GSN: variants seen among roughly 807,000 people sequenced by gnomAD.
The protein encoded by GSN is gelsolin, also known as actin-depolymerizing factor.
In GSN, 56 loss-of-function variants were observed where a neutral mutation model predicts 85.7. The observed-to-expected ratio is 0.65, with a 90% CI of 0.53 to 0.82. The LOEUF is 0.82. Ranked by LOEUF, GSN falls within the 40% of genes least tolerant of loss-of-function variation. GSN has a pLI of 0.00. For missense variants in GSN, 857 were observed against 979.8 expected, an observed-to-expected ratio of 0.87 and a Z score of 1.67; for synonymous variants, 373 against 399.1, an observed-to-expected ratio of 0.93 and a Z score of 0.78.
chr9:121,216,046 C>T (rs1196644473), intron 4 of GSN, among the ~76,000 whole-genome samples: 1 of 152,126 alleles, frequency 6.6e-6, no homozygotes, highest in African/African-American at 2.4e-5. Context: ...TAGCCTCTGC[C>T]TCCCGGGTTC....
chr9:121,326,926 C>T (rs2063271323), intron 13 of GSN: 1 of 691,490 alleles, frequency 1.4e-6, no homozygotes, highest in Admixed American at 2.0e-5. Flanking sequence ...CCATTCTGTA[C>T]AATCAGCATG....
intron 2 of GSN, chr9:121,282,672 C>T (rs2057532050): frequency 2.2e-6 from 1 of 453,108 alleles, no homozygotes; most frequent in Non-Finnish European, 3.8e-6. Context: ...GTTCTGCTGA[C>T]AAAGAGGTAG....
At chr9:121,320,383 G>A (rs1021619221) in intron 10 of GSN, among the ~76,000 whole-genome samples, 6 of 152,202 alleles carry the variant, frequency 3.9e-5, no homozygotes, top group Non-Finnish European at 5.9e-5. Context: ...AGTGGCTCAC[G>A]CCTGTAATCC....
chr9:121,296,121 T>C (rs1299274254), intron 2 of GSN, among the ~76,000 whole-genome samples: 2 of 152,240 alleles, frequency 1.3e-5, no homozygotes, highest in East Asian at 3.8e-4. Context: ...CTGCCAGGCT[T>C]GACTTGGGCT....
At chr9:121,278,401 C>CA in intron 1 of GSN, among the ~76,000 whole-genome samples, 1 of 152,314 alleles carries the variant, frequency 6.6e-6, no homozygotes, top group Middle Eastern at 3.4e-3. Context: ...AAGGCCCTCC[C>CA]AATGAACTGG....
At chr9:121,277,186 C>G (rs893004619) in intron 1 of GSN, among the ~76,000 whole-genome samples, 5 of 152,232 alleles carry the variant, frequency 3.3e-5, no homozygotes, top group African/African-American at 1.2e-4. Context: ...TATGAAATCA[C>G]TGGTACATGT....
In GSN at chr9:121,299,544, C is replaced by T. The variant is rs2059555308; in HGVS notation, c.-9-2419C>T. On this transcript the variant is annotated intron_variant, in intron 2 of 17. Coordinates refer to ENST00000432226, the MANE Select transcript of GSN (RefSeq NM_198252.3). The surrounding 1 kb of genome is among the most constrained non-coding windows in gnomAD (Gnocchi z 4.2). ...TGTTAGGTGCGGAGAGGCGAGGGGGCTCGCGTGCGTCGCAGGAGGCTCAGC... is the reference window on the plus strand; with the variant it reads ...TGTTAGGTGCGGAGAGGCGAGGGGGTTCGCGTGCGTCGCAGGAGGCTCAGC... 1.2e-6 allele frequency: 1 copy of T among 867,744 alleles called. No individual in the cohort carries two copies. 53.8% of individuals were successfully genotyped at this position (867,744 alleles called of 1,614,324 possible).
chr9:121,236,829 G>A (rs925138172), intron 5 of GSN, among the ~76,000 whole-genome samples: 6 of 152,218 alleles, frequency 3.9e-5, no homozygotes, highest in Admixed American at 3.3e-4. Flanking sequence ...AGGTCCGAAA[G>A]CAGAACCAAA....
At chr9:121,213,000 A>G (rs2053995541) in intron 4 of GSN, among the ~76,000 whole-genome samples, 1 of 152,076 alleles carries the variant, frequency 6.6e-6, no homozygotes, top group East Asian at 1.9e-4. Flanking sequence ...GGGAAAGCTA[A>G]GGAGAAAAGG....
At chr9:121,288,580 A>G (rs1447879558) in intron 2 of GSN, among the ~76,000 whole-genome samples, 6 of 152,178 alleles carry the variant, frequency 3.9e-5, no homozygotes, top group Middle Eastern at 3.2e-3. Context: ...GTTTCATTTT[A>G]TAACTGAAGA....
chr9:121,316,859 C>T (rs893614038), intron 7 of GSN, among the ~76,000 whole-genome samples: 4 of 152,178 alleles, frequency 2.6e-5, no homozygotes, highest in South Asian at 2.1e-4. Context: ...AATTTTATCC[C>T]GCCCTCCCTT....
At chr9:121,312,565 A>C in intron 6 of GSN, 77 bp downstream of exon 6, 2 of 1,039,850 alleles carry the variant, frequency 1.9e-6, no homozygotes, top group South Asian at 1.7e-5. Context: ...AGGCAATTTG[A>C]GGTGAATTTG....
intron 1 of GSN, among the ~76,000 whole-genome samples, chr9:121,273,414 G>A (rs2056256076): frequency 6.6e-6 from 1 of 152,130 alleles, no homozygotes; most frequent in Non-Finnish European, 1.5e-5. Flanking sequence ...TTGGGTGTGT[G>A]TTGATGATGT....
At chr9:121,282,107 A>G in intron 2 of GSN, 1 of 462,508 alleles carries the variant, frequency 2.2e-6, no homozygotes, top group Non-Finnish European at 4.4e-6. Flanking sequence ...TTCACAGGTG[A>G]CCTGCTGAAG....
intron 2 of GSN, chr9:121,286,126 G>T (rs1026257227): frequency 6.5e-7 from 1 of 1,535,440 alleles, no homozygotes; most frequent in African/African-American, 1.4e-5. Flanking sequence ...GGCCCACATA[G>T]CTCCCCCCAG....
intron 4 of GSN, among the ~76,000 whole-genome samples, chr9:121,224,259 G>T (rs1300262460): frequency 6.6e-6 from 1 of 151,924 alleles, no homozygotes; most frequent in African/African-American, 2.4e-5. Flanking sequence ...ACCACGCCCG[G>T]CTAATTTTTT....
intron 2 of GSN, among the ~76,000 whole-genome samples, chr9:121,297,476 A>G (rs1018341722): frequency 2.6e-5 from 4 of 152,182 alleles, no homozygotes; most frequent in Admixed American, 6.5e-5. Flanking sequence ...AGCCACGGCA[A>G]TGTTTGAGGA....
Position 121,310,691 on chromosome 9 carries a change from G to T in GSN, c.359G>T (p.Gly120Val). 6.2e-7 allele frequency: 1 copy of T among 1,614,170 alleles called. No individual in the cohort carries two copies. Among genetic ancestry groups the T allele is most frequent in the Non-Finnish European group, 8.5e-7 (1 of 1,180,022 alleles). The change falls in exon 5 of 18, where the codon GGT becomes GTT. Residue 120 changes from glycine to valine, a missense_variant. Transcript: ENST00000432226. ...FKSGLKYKKGGVASGFKHVVP... is the reference protein window; with the variant it reads ...FKSGLKYKKGVVASGFKHVVP... ...GTCTCTTTGGCCCCACAGAAAGGAGGTGTGGCATCAGGATTCAAGCACGTG... is the reference window on the plus strand; with the variant it reads ...GTCTCTTTGGCCCCACAGAAAGGAGTTGTGGCATCAGGATTCAAGCACGTG...
chr9:121,213,966 C>G (rs1020508569), intron 4 of GSN, among the ~76,000 whole-genome samples: 1 of 152,232 alleles, frequency 6.6e-6, no homozygotes, highest in Non-Finnish European at 1.5e-5. Flanking sequence ...GACAAAAGCA[C>G]AGACTGCTGT....
Sources: gnomAD v4.1 joint callset for allele counts (sites outside exome capture counted in the v4.1 genomes callset) on GRCh38, gnomAD v4.1.1 for gene constraint, Gnocchi (gnomAD v3.1) non-coding constraint, MANE v1.5 for transcripts, NCBI Gene and HGNC (gene_info 2026-07-23, HGNC 2026-07-21) for gene names.